Variants in PWWP2B observed in about 807,000 individuals in gnomAD.
PWWP2B encodes PWWP domain-containing protein 2B.
Under a neutral mutation model 15.5 loss-of-function variants are expected in PWWP2B, and 9 were observed. That is an observed-to-expected ratio of 0.58 (90% CI 0.35 to 1.02). PWWP2B has a LOEUF of 1.02. Among genes scored for constraint, PWWP2B ranks in the 50% least tolerant of loss-of-function variants. The pLI is 0.02. For missense variants in PWWP2B, 864 were observed against 865.3 expected, an observed-to-expected ratio of 1.00 and a Z score of 0.02; for synonymous variants, 474 against 403.6, an observed-to-expected ratio of 1.17 and a Z score of -2.09.
In PWWP2B at chr10:132,417,205, G is replaced by T; in HGVS notation, c.*161G>T. The T allele has an allele frequency of 9.7e-7, 1 of 1,031,940 alleles. No individual in the cohort carries two copies. The highest frequency in any genetic ancestry group is 1.3e-5 in the South Asian group (1 of 77,588). 63.9% of individuals were successfully genotyped at this position (1,031,940 alleles called of 1,614,324 possible). On this transcript the variant is annotated 3_prime_UTR_variant, in exon 3 of 3. Transcript: ENST00000305233. ...GAGGCCCCCCGGGGACCGGCAGTGT[G>T]TCCAGGGAGGGGATGGCCCTGAGCC...
chr10:132,400,289 C>T (rs968868199), intron 1 of PWWP2B, among the ~76,000 whole-genome samples: 17 of 151,990 alleles, frequency 1.1e-4, no homozygotes, highest in African/African-American at 3.6e-4. Context: ...CGGAGCGTCT[C>T]GAGGGGATGG....
At position 132,404,589 on chromosome 10, in the gene PWWP2B, T is replaced by C. The variant is rs1312669935; in HGVS notation, c.126-37T>C. On this transcript the variant is annotated intron_variant, in intron 1 of 2. Transcript: ENST00000305233. ...GGTGCGGGTGGCAGATGTGCCAGGG[T>C]CCCTTCTCACTGTGGTTTCTCTCTC... is the stretch of plus-strand genomic sequence containing the variant. The C allele has an allele frequency of 2.6e-6, 4 of 1,565,794 alleles. No individual in the cohort carries two copies. The African/African-American group carries it at 5.4e-5, about 21-fold the overall frequency.
chr10:132,416,480 G>A (rs1220342293), intron 2 of PWWP2B, among the ~76,000 whole-genome samples: 1 of 152,194 alleles, frequency 6.6e-6, no homozygotes, highest in Non-Finnish European at 1.5e-5. Flanking sequence ...GTGGCCATCC[G>A]GGGCCTGCGT....
rs112703738 is a variant in PWWP2B, at chr10:132,415,326, C to A, written c.*17-1735C>A. ...CACACTCACACACATCCACACACAC[C>A]CCCCCACACACATATCCACTCACAC... On this transcript the variant is annotated intron_variant, in intron 2 of 2. Coordinates refer to ENST00000305233, the MANE Select transcript of PWWP2B (RefSeq NM_138499.4). 0.023 allele frequency among the ~76,000 whole-genome samples: 2,767 copies of A among 122,216 alleles called. 118 individuals carry two copies. In the East Asian group the frequency reaches 0.25, roughly 11 times the overall value. The allele number at this position is 122,216 out of a possible 152,430, so 80.2% of individuals were successfully genotyped here.
rs780768352 is a variant in PWWP2B at position 132,405,214 on chromosome 10, G to A, written c.714G>A (p.Glu238=). ...TARRSKRERR[E]EDRAPAEQVP... The stretch of plus-strand genomic sequence containing the variant: ...GGAGGAGCAAGAGGGAGAGGCGCGA[G>A]GAGGACAGGGCCCCGGCAGAGCAGG... Residue 238 remains glutamate (E), a synonymous_variant, in exon 2 of 3, where the codon GAG becomes GAA. Coordinates refer to ENST00000305233, the MANE Select transcript of PWWP2B (RefSeq NM_138499.4). 22 of 1,594,602 alleles carry A rather than the reference G, an allele frequency of 1.4e-5. No homozygotes were observed. The highest frequency in any genetic ancestry group is 1.7e-5 in the Non-Finnish European group (20 of 1,171,952).
At position 132,404,936 on chromosome 10, in the gene PWWP2B, A is replaced by G. The variant is rs577952525; in HGVS notation, c.436A>G (p.Arg146Gly). Residue 146 changes from arginine to glycine, a missense_variant, in exon 2 of 3, where the codon AGG becomes GGG. Physicochemically the swap from Arg to Gly is moderately radical, Grantham distance 125. Around this residue, in one of 2 missense-constraint regions of PWWP2B, gnomAD observed 736 missense variants for 687.7 expected, o/e 1.07. Coordinates refer to ENST00000305233, the MANE Select transcript of PWWP2B (RefSeq NM_138499.4). ...YKLWVPQPPP[R>G]TIKRTRRRLS... ...GCTGTGGGTGCCCCAGCCGCCGCCC[A>G]GGACCATCAAGCGCACGCGGCGGCG... is the stretch of plus-strand genomic sequence containing the variant. The G allele has an allele frequency of 6.3e-7, 1 of 1,594,388 alleles. No individual in the cohort carries two copies. Among genetic ancestry groups the G allele is most frequent in the South Asian group, 1.1e-5 (1 of 90,880 alleles).
In PWWP2B at chr10:132,409,235, T is replaced by A. The variant is rs370488731; in HGVS notation, c.*16+2946T>A. On this transcript the variant is annotated intron_variant, in intron 2 of 2. Coordinates refer to ENST00000305233, the MANE Select transcript of PWWP2B (RefSeq NM_138499.4). ...CCGCTGCCCTTGGAGGTGACCACTGTGCCCTCTCAGGCTGGCAGGAGAGGC... is the reference window on the plus strand; with the variant it reads ...CCGCTGCCCTTGGAGGTGACCACTGAGCCCTCTCAGGCTGGCAGGAGAGGC... Among the ~76,000 whole-genome samples, 25 of 152,364 alleles carry A rather than the reference T, an allele frequency of 1.6e-4. No homozygotes were observed. In the South Asian group the frequency reaches 2.1e-3, roughly 13 times the overall value.
At chr10:132,399,161 T>C (rs2069580530) in intron 1 of PWWP2B, among the ~76,000 whole-genome samples, 1 of 152,084 alleles carries the variant, frequency 6.6e-6, no homozygotes, top group South Asian at 2.1e-4. Context: ...GGTGCTGACC[T>C]GCCTTCCCCA....
At chr10:132,398,276 C>T (rs2069564722) in intron 1 of PWWP2B, among the ~76,000 whole-genome samples, 1 of 152,250 alleles carries the variant, frequency 6.6e-6, no homozygotes. Context: ...CAGACGTTAT[C>T]TCTTCATTAG....
At position 132,397,245 on chromosome 10, in the gene PWWP2B, TG is replaced by T; in HGVS notation, c.20del (p.Cys7SerfsTer19). On this transcript the variant is annotated frameshift_variant, in exon 1 of 3. Transcript: ENST00000305233. LOFTEE classifies it high-confidence loss of function. MEPRAGCRLPVRVEQVV... is the reference protein window; with the variant it reads MEPRAGXRLPVRVEQVV... ...CGGGAGCATGGAGCCGCGCGCCGGC[TG>T]CCGGCTGCCGGTGCGGGTGGAGCAG... The T allele has an allele frequency of 7.9e-7, 1 of 1,263,050 alleles. No individual in the cohort carries two copies. The highest frequency in any genetic ancestry group is 1.0e-6 in the Non-Finnish European group (1 of 996,070). 78.2% of individuals were successfully genotyped at this position (1,263,050 alleles called of 1,614,324 possible).
At position 132,405,356 on chromosome 10, in the gene PWWP2B, C is replaced by T. The variant is rs1455311368; in HGVS notation, c.856C>T (p.Pro286Ser). 2 of 1,611,302 alleles carry T rather than the reference C, an allele frequency of 1.2e-6. No homozygotes were observed. The highest frequency in any genetic ancestry group is 2.2e-5 in the East Asian group (1 of 44,862). The part of the protein sequence containing the change: ...SLEPFRPQQA[P>S]QDDGSQDPEV... ...GGAGCCCTTCCGTCCCCAGCAGGCC[C>T]CGCAGGACGACGGCAGCCAGGACCC... Residue 286 changes from proline to serine, a missense_variant, in exon 2 of 3, where the codon CCG (proline) becomes TCG (serine). Coordinates refer to ENST00000305233, the MANE Select transcript of PWWP2B (RefSeq NM_138499.4).
chr10:132,416,968 G>A (rs1391145056), intron 2 of PWWP2B, 93 bp from the exon 3 acceptor site: 13 of 1,430,330 alleles, frequency 9.1e-6, no homozygotes, highest in South Asian at 2.3e-5. Flanking sequence ...CAGGCCCTCC[G>A]GGGCACCCTG....
At chr10:132,410,155 G>A (rs1564876794) in intron 2 of PWWP2B, among the ~76,000 whole-genome samples, 2 of 152,192 alleles carry the variant, frequency 1.3e-5, no homozygotes, top group Admixed American at 1.3e-4. Flanking sequence ...GACGGGGGAC[G>A]GGGAGGCTGG....
intron 1 of PWWP2B, among the ~76,000 whole-genome samples, chr10:132,403,184 C>G (rs552824103): frequency 6.6e-6 from 1 of 152,190 alleles, no homozygotes; most frequent in Admixed American, 6.5e-5. Context: ...GAGAATGGGG[C>G]GGGTGGCGCT....
rs1475941893 is a variant in PWWP2B, at chr10:132,405,443, A to G, written c.943A>G (p.Lys315Glu). ...CTGCGCGCCCTCGGCCTCCATCCCCAAGTTGAAACTGACACGGCCTGTGCC... is the reference window on the plus strand; with the variant it reads ...CTGCGCGCCCTCGGCCTCCATCCCCGAGTTGAAACTGACACGGCCTGTGCC... ...PSCAPSASIP[K>E]LKLTRPVPAG... Residue 315 changes from lysine to glutamate, a missense_variant, in exon 2 of 3, where the codon AAG becomes GAG. Around this residue, in one of 2 missense-constraint regions of PWWP2B, gnomAD observed 736 missense variants for 687.7 expected, o/e 1.07. Coordinates refer to ENST00000305233, the MANE Select transcript of PWWP2B (RefSeq NM_138499.4). The G allele has an allele frequency of 1.9e-6, 3 of 1,609,360 alleles. No homozygotes were observed. The African/African-American group carries it at 4.0e-5, about 21-fold the overall frequency.
chr10:132,403,217 C>A (rs914879201), intron 1 of PWWP2B, among the ~76,000 whole-genome samples: 2 of 152,168 alleles, frequency 1.3e-5, no homozygotes, highest in African/African-American at 2.4e-5. Flanking sequence ...CCCCACCCAC[C>A]ACAGAGCAGA....
At chr10:132,401,391 C>T in intron 1 of PWWP2B, among the ~76,000 whole-genome samples, 1 of 147,540 alleles carries the variant, frequency 6.8e-6, no homozygotes, top group East Asian at 1.9e-4. Context: ...CTCTTCCCCA[C>T]AGGCAGGGCC....
intron 2 of PWWP2B, among the ~76,000 whole-genome samples, chr10:132,410,105 A>G (rs2069757713): frequency 6.6e-6 from 1 of 152,158 alleles, no homozygotes; most frequent in Admixed American, 6.5e-5. Context: ...TAGCTTTACA[A>G]ATAAAAGCAG....
chr10:132,414,303 GAGA>G, intron 2 of PWWP2B, among the ~76,000 whole-genome samples: 2 of 152,388 alleles, frequency 1.3e-5, no homozygotes, highest in Middle Eastern at 6.8e-3. Flanking sequence ...GTTGTTGATG[GAGA>G]AGGACTTGGA....
Sources: allele counts gnomAD v4.1 joint callset (sites outside exome capture counted in the v4.1 genomes callset), GRCh38; gene constraint gnomAD v4.1.1; regional missense constraint gnomAD v4.1.1; transcripts MANE v1.5; gene names NCBI Gene and HGNC (gene_info 2026-07-23, HGNC 2026-07-21).